Variants in ABI3BP observed in about 807,000 individuals in gnomAD.
The protein encoded by ABI3BP is target of Nesh-SH3.
Under a neutral mutation model 268.6 loss-of-function variants are expected in ABI3BP, and 216 were observed. That is an observed-to-expected ratio of 0.80 (90% CI 0.72 to 0.90). The LOEUF (loss-of-function observed/expected upper bound fraction) is 0.90, where lower values mean the gene tolerates loss of function less well. Ranked by LOEUF, ABI3BP falls within the 40% of genes least tolerant of loss-of-function variation. The pLI, the probability that ABI3BP is intolerant of heterozygous loss-of-function variation, is 0.00. For missense variants in ABI3BP, 2,090 were observed against 2,182.4 expected (o/e 0.96, Z 0.84); for synonymous variants, 730 against 730.0 (o/e 1.00, Z 0.00).
intron 63 of ABI3BP, among the ~76,000 whole-genome samples, chr3:100,765,523 T>C (rs1576938614): frequency 6.6e-6 from 1 of 152,258 alleles, no homozygotes; most frequent in Non-Finnish European, 1.5e-5. Context: ...GTTTACATTA[T>C]GCACAGTCCA....
chr3:100,972,500 G>T (rs2084078648), intron 1 of ABI3BP, among the ~76,000 whole-genome samples: 1 of 152,138 alleles, frequency 6.6e-6, no homozygotes, highest in Admixed American at 6.5e-5. Flanking sequence ...GCCACTTAAG[G>T]CTCTCATCAA....
intron 63 of ABI3BP, among the ~76,000 whole-genome samples, chr3:100,755,906 T>G (rs781237687): frequency 4.6e-5 from 7 of 152,158 alleles, no homozygotes; most frequent in Non-Finnish European, 1.0e-4. Context: ...GCACAAAAGA[T>G]AGATATTTTA....
chr3:100,906,208 T>G (rs145818458), intron 2 of ABI3BP, among the ~76,000 whole-genome samples: 1 of 152,300 alleles, frequency 6.6e-6, no homozygotes, highest in African/African-American at 2.4e-5. Context: ...AAAAATAACA[T>G]ATACAGAAGC....
chr3:100,900,684 G>T (rs1206030607), intron 3 of ABI3BP, among the ~76,000 whole-genome samples: 1 of 152,104 alleles, frequency 6.6e-6, no homozygotes, highest in Non-Finnish European at 1.5e-5. Context: ...TAAAATTTAT[G>T]TGGCAGATAC....
At chr3:100,861,773 C>T (rs1580932255) in intron 14 of ABI3BP, among the ~76,000 whole-genome samples, 1 of 151,996 alleles carries the variant, frequency 6.6e-6, no homozygotes, top group East Asian at 1.9e-4. Context: ...AAGTAGCCAT[C>T]ACATGGTTAC....
At chr3:100,801,549 C>T (rs999867508) in intron 51 of ABI3BP, among the ~76,000 whole-genome samples, 1 of 151,562 alleles carries the variant, frequency 6.6e-6, no homozygotes, top group Non-Finnish European at 1.5e-5. Context: ...CACTGAGTCA[C>T]TAAAACTTGA....
intron 1 of ABI3BP, among the ~76,000 whole-genome samples, chr3:100,988,735 A>C (rs1415939672): frequency 6.6e-6 from 1 of 152,194 alleles, no homozygotes. Context: ...CTCCCTGAAG[A>C]CAAGTGCCAA....
intron 32 of ABI3BP, among the ~76,000 whole-genome samples, chr3:100,830,090 T>TAC (rs2098457866): frequency 1.1e-5 from 1 of 91,556 alleles, no homozygotes; most frequent in African/African-American, 4.7e-5. Flanking sequence ...GCTATATACA[T>TAC]ATACATACAT....
chr3:100,910,231 G>A (rs2055705701), intron 2 of ABI3BP, among the ~76,000 whole-genome samples: 1 of 152,050 alleles, frequency 6.6e-6, no homozygotes, highest in East Asian at 1.9e-4. Flanking sequence ...GACACAGGGA[G>A]GGGAACATCA....
intron 14 of ABI3BP, among the ~76,000 whole-genome samples, chr3:100,853,887 A>G (rs995808587): frequency 1.3e-5 from 2 of 152,202 alleles, no homozygotes; most frequent in Non-Finnish European, 2.9e-5. Context: ...GACATTTGCC[A>G]GCATACTTTG....
intron 1 of ABI3BP, among the ~76,000 whole-genome samples, chr3:100,960,472 C>T (rs746409378): frequency 1.3e-5 from 2 of 152,202 alleles, no homozygotes; most frequent in African/African-American, 2.4e-5. Context: ...CATCTTTAAA[C>T]TGCTGGAAAG....
chr3:100,953,423 G>A (rs1046077056), intron 1 of ABI3BP, among the ~76,000 whole-genome samples: 3 of 152,122 alleles, frequency 2.0e-5, no homozygotes, highest in African/African-American at 7.2e-5. Context: ...ATAGGCACAG[G>A]CTAAATAGCG....
intron 9 of ABI3BP, among the ~76,000 whole-genome samples, chr3:100,874,409 A>AT (rs1044340454): frequency 2.0e-5 from 3 of 152,120 alleles, no homozygotes; most frequent in Non-Finnish European, 4.4e-5. Flanking sequence ...TATGTTTTTT[A>AT]AACACTGAAC....
chr3:100,777,200 C>T (rs1037302088), intron 59 of ABI3BP, among the ~76,000 whole-genome samples: 3 of 152,290 alleles, frequency 2.0e-5, no homozygotes, highest in African/African-American at 4.8e-5. Flanking sequence ...CCTTTCATGG[C>T]GATCCTCATC....
At chr3:100,873,004 G>T (rs75029287) in intron 9 of ABI3BP, among the ~76,000 whole-genome samples, 1 of 152,088 alleles carries the variant, frequency 6.6e-6, no homozygotes, top group African/African-American at 2.4e-5. Flanking sequence ...TTCAAAAATT[G>T]TAAGTCTAAT....
intron 20 of ABI3BP, among the ~76,000 whole-genome samples, chr3:100,845,775 C>T (rs1390910615): frequency 6.6e-6 from 1 of 151,356 alleles, no homozygotes; most frequent in African/African-American, 2.4e-5. Context: ...CAATATGTTA[C>T]ACAATCTTTA....
chr3:100,906,185 C>A (rs1208474309), intron 2 of ABI3BP, among the ~76,000 whole-genome samples: 2 of 152,106 alleles, frequency 1.3e-5, no homozygotes, highest in African/African-American at 4.8e-5. Context: ...TAAAGAAAGA[C>A]CCGAAACACT....
intron 2 of ABI3BP, chr3:100,910,863 G>T (rs1337666817): frequency 6.5e-6 from 1 of 152,980 alleles, no homozygotes; most frequent in Non-Finnish European, 1.5e-5. Flanking sequence ...GAATTTATCT[G>T]TATTAGTGCA....
intron 1 of ABI3BP, among the ~76,000 whole-genome samples, chr3:100,935,464 C>CT (rs2065645123): frequency 6.6e-6 from 1 of 152,050 alleles, no homozygotes; most frequent in South Asian, 2.1e-4. Flanking sequence ...TATGCAGGCT[C>CT]TTTTTTTATT....
Sources: allele counts gnomAD v4.1 joint callset (sites outside exome capture counted in the v4.1 genomes callset), GRCh38; gene constraint gnomAD v4.1.1; transcripts MANE v1.5; gene names NCBI Gene and HGNC (gene_info 2026-07-23, HGNC 2026-07-21).